MBD5: variants seen among roughly 807,000 people sequenced by gnomAD.
MBD5 encodes methyl-CpG binding domain protein 5, also known as methyl-CpG-binding domain protein 5.
Under a neutral mutation model 117.3 loss-of-function variants are expected in MBD5, and 13 were observed. The ratio of observed to expected loss-of-function variants is 0.11; its 90% CI spans 0.07 to 0.18. The LOEUF (loss-of-function observed/expected upper bound fraction) is 0.18, where lower values mean the gene tolerates loss of function less well. Ranked by LOEUF, MBD5 falls within the 10% of genes least tolerant of loss-of-function variation. The pLI is 1.00. For synonymous variants in MBD5, 727 were observed against 766.4 expected, an observed-to-expected ratio of 0.95 and a Z score of 0.85; for missense variants, 1,879 against 2,093.8, an observed-to-expected ratio of 0.90 and a Z score of 2.00.
intron 3 of MBD5, among the ~76,000 whole-genome samples, chr2:148,322,613 G>C (rs923112298): frequency 3.3e-5 from 5 of 152,072 alleles, no homozygotes; most frequent in Non-Finnish European, 7.4e-5. Context: ...GACTTTCTCA[G>C]TGGCAGTTTG....
intron 4 of MBD5, among the ~76,000 whole-genome samples, chr2:148,357,143 GCTATTTTTGGCCA>G (rs1703400980): frequency 6.6e-6 from 1 of 152,096 alleles, no homozygotes; most frequent in South Asian, 2.1e-4. Flanking sequence ...TTTAAAAGGT[GCTATTTTTGGCCA>G]CCTACTCTAC....
chr2:148,310,799 C>T (rs1702011617), intron 3 of MBD5, among the ~76,000 whole-genome samples: 1 of 152,082 alleles, frequency 6.6e-6, no homozygotes, highest in Non-Finnish European at 1.5e-5. Context: ...ATAAATTTCC[C>T]CCTAAACACT....
At chr2:148,277,328 C>G (rs116304589) in intron 3 of MBD5, among the ~76,000 whole-genome samples, 1 of 152,032 alleles carries the variant, frequency 6.6e-6, no homozygotes, top group Non-Finnish European at 1.5e-5. Context: ...CACTAGGAAG[C>G]ATATCGTAGA....
intron 4 of MBD5, among the ~76,000 whole-genome samples, chr2:148,383,354 A>T (rs1468514612): frequency 6.6e-6 from 1 of 152,222 alleles, no homozygotes; most frequent in Non-Finnish European, 1.5e-5. Context: ...TAGAAAATCT[A>T]GAAGAAATGG....
chr2:148,202,979 C>T (rs115761590), intron 2 of MBD5, among the ~76,000 whole-genome samples: 1,534 of 152,102 alleles, frequency 0.01, 16 homozygotes, highest in Non-Finnish European at 0.018. Context: ...GTGGCAGGCA[C>T]CTGTAATACC....
chr2:148,512,632 T>C (rs1429902338), intron 13 of MBD5, among the ~76,000 whole-genome samples: 1 of 152,234 alleles, frequency 6.6e-6, no homozygotes, highest in African/African-American at 2.4e-5. Context: ...CCACTGTCTA[T>C]TGGCACCCGC....
At chr2:148,261,268 T>C (rs1574209410) in intron 3 of MBD5, among the ~76,000 whole-genome samples, 1 of 152,346 alleles carries the variant, frequency 6.6e-6, no homozygotes, top group East Asian at 1.9e-4. Context: ...CATTGACTTC[T>C]CCTCTAACTG....
chr2:148,399,591 A>G (rs866581873), intron 4 of MBD5, among the ~76,000 whole-genome samples: 4 of 152,318 alleles, frequency 2.6e-5, no homozygotes, highest in African/African-American at 9.6e-5. Context: ...CAATCATGTC[A>G]TCTGCAAACA....
chr2:148,439,490 T>G (rs1326118359), intron 4 of MBD5, among the ~76,000 whole-genome samples: 1 of 152,172 alleles, frequency 6.6e-6, no homozygotes, highest in Non-Finnish European at 1.5e-5. Context: ...GAAATATGAA[T>G]AATGATTATA....
chr2:148,381,531 T>C (rs1704143258), intron 4 of MBD5, among the ~76,000 whole-genome samples: 2 of 152,162 alleles, frequency 1.3e-5, no homozygotes, highest in Admixed American at 1.3e-4. Context: ...TGGAAAACAC[T>C]CTGCAGGATA....
chr2:148,022,106 G>C (rs942573538), intron 1 of MBD5, among the ~76,000 whole-genome samples: 3 of 152,184 alleles, frequency 2.0e-5, no homozygotes, highest in African/African-American at 7.2e-5. Context: ...TTCTGAGTGG[G>C]AAAATGTCGG....
chr2:148,310,660 G>A (rs186102778), intron 3 of MBD5, among the ~76,000 whole-genome samples: 1 of 152,046 alleles, frequency 6.6e-6, no homozygotes, highest in African/African-American at 2.4e-5. Flanking sequence ...GTTCTGCTCT[G>A]ATCTTAGTTA....
At chr2:148,447,513 G>T (rs1238352570) in intron 4 of MBD5, 1 of 152,154 alleles carries the variant, frequency 6.6e-6, no homozygotes, top group African/African-American at 2.4e-5. Flanking sequence ...TATACCTCTT[G>T]TCAAGGGCTA....
At chr2:148,074,507 G>GTTTTTTTTTTTTTTTTTTTTTTTTTTGT (rs11443189) in intron 1 of MBD5, among the ~76,000 whole-genome samples, 2 of 113,772 alleles carry the variant, frequency 1.8e-5, no homozygotes, top group African/African-American at 3.5e-5. Flanking sequence ...TTTTTTTTTT[G>GTTTTTTTTTTTTTTTTTTTTTTTTTTGT]TTTTTTTTTT....
intron 3 of MBD5, among the ~76,000 whole-genome samples, chr2:148,326,428 C>T (rs1038261919): frequency 6.6e-6 from 1 of 152,104 alleles, no homozygotes; most frequent in African/African-American, 2.4e-5. Flanking sequence ...CTAATGTTGA[C>T]AGTGGGGTGT....
intron 4 of MBD5, among the ~76,000 whole-genome samples, chr2:148,387,680 T>C (rs1451845576): frequency 6.6e-6 from 1 of 152,024 alleles, no homozygotes. Flanking sequence ...TAGGAGAATT[T>C]AGCTACTATT....
At chr2:148,316,086 T>G (rs1168579840) in intron 3 of MBD5, among the ~76,000 whole-genome samples, 1 of 152,130 alleles carries the variant, frequency 6.6e-6, no homozygotes, top group African/African-American at 2.4e-5. Flanking sequence ...TACATACTTT[T>G]AAACAACCAG....
At chr2:148,298,334 G>T (rs777225072) in intron 3 of MBD5, among the ~76,000 whole-genome samples, 3 of 152,194 alleles carry the variant, frequency 2.0e-5, no homozygotes, top group Non-Finnish European at 4.4e-5. Flanking sequence ...GGGGAGAAGG[G>T]CAGCCCTGTA....
intron 1 of MBD5, among the ~76,000 whole-genome samples, chr2:148,023,466 G>T (rs1693821085): frequency 6.6e-6 from 1 of 152,046 alleles, no homozygotes; most frequent in Non-Finnish European, 1.5e-5. Flanking sequence ...TTTCCCTTCT[G>T]TTATAAATTT....
Sources: gnomAD v4.1 joint callset for allele counts (sites outside exome capture counted in the v4.1 genomes callset) on GRCh38, gnomAD v4.1.1 for gene constraint, MANE v1.5 for transcripts, NCBI Gene and HGNC (gene_info 2026-07-23, HGNC 2026-07-21) for gene names.